Variants in RBFOX1 observed in about 807,000 individuals in gnomAD.
The protein encoded by RBFOX1 is RNA binding protein fox-1 homolog 1.
In RBFOX1, 8 loss-of-function variants were observed where a neutral mutation model predicts 57.7. The observed-to-expected ratio is 0.14, with a 90% confidence interval of 0.08 to 0.25. RBFOX1 has a LOEUF of 0.25. Among genes scored for constraint, RBFOX1 ranks in the 10% least tolerant of loss-of-function variants. The pLI is 1.00. For synonymous variants in RBFOX1, 326 were observed against 222.4 expected (o/e 1.47, Z -4.15); for missense variants, 611 against 548.5 (o/e 1.11, Z -1.14).
chr16:5,824,958 C>T (rs994167488), intron 3 of RBFOX1, among the ~76,000 whole-genome samples: 2 of 152,162 alleles, frequency 1.3e-5, no homozygotes, highest in African/African-American at 4.8e-5. Flanking sequence ...TGGATTCTTA[C>T]TGTGAGGGTC....
intron 3 of RBFOX1, among the ~76,000 whole-genome samples, chr16:6,669,069 G>C (rs1338142886): frequency 1.3e-5 from 2 of 152,182 alleles, no homozygotes; most frequent in Non-Finnish European, 1.5e-5. Flanking sequence ...TAGAAAGCAT[G>C]CCCTATCCAA....
chr16:5,678,971 T>C (rs1364592343), intron 3 of RBFOX1, among the ~76,000 whole-genome samples: 1 of 152,194 alleles, frequency 6.6e-6, no homozygotes, highest in East Asian at 1.9e-4. Context: ...TGGGGCTACA[T>C]GTATGCAGAA....
chr16:6,091,971 G>T (rs2096181679), intron 1 of RBFOX1, among the ~76,000 whole-genome samples: 1 of 152,072 alleles, frequency 6.6e-6, no homozygotes, highest in Admixed American at 6.6e-5. Flanking sequence ...ATGCATCTAT[G>T]TGTCTGTCCA....
chr16:6,669,448 G>A (rs1401556658), intron 3 of RBFOX1, among the ~76,000 whole-genome samples: 2 of 152,146 alleles, frequency 1.3e-5, no homozygotes, highest in African/African-American at 4.8e-5. Context: ...AGAATTTGCA[G>A]ATCAACCAGA....
At chr16:6,726,793 A>G (rs1009589117) in intron 3 of RBFOX1, among the ~76,000 whole-genome samples, 1 of 151,854 alleles carries the variant, frequency 6.6e-6, no homozygotes, top group African/African-American at 2.4e-5. Flanking sequence ...TATGTTCCCT[A>G]CCAGGGTACC....
chr16:6,212,268 G>A (rs552306194), intron 1 of RBFOX1, among the ~76,000 whole-genome samples: 1 of 152,094 alleles, frequency 6.6e-6, no homozygotes, highest in Non-Finnish European at 1.5e-5. Context: ...TATATACTAT[G>A]ATTACTTTTA....
intron 4 of RBFOX1, among the ~76,000 whole-genome samples, chr16:7,070,590 A>T (rs2057125999): frequency 6.6e-6 from 1 of 152,226 alleles, no homozygotes; most frequent in African/African-American, 2.4e-5. Context: ...AGCTGAGTTT[A>T]CGTTTAAGTG....
At chr16:6,331,543 C>CTA (rs1188171508) in intron 2 of RBFOX1, among the ~76,000 whole-genome samples, 113 of 150,064 alleles carry the variant, frequency 7.5e-4, no homozygotes, top group African/African-American at 2.6e-3. Flanking sequence ...CTCTCTCTCT[C>CTA]TCTATATATA....
intron 4 of RBFOX1, among the ~76,000 whole-genome samples, chr16:7,449,336 C>T (rs1398789014): frequency 1.3e-5 from 2 of 152,118 alleles, no homozygotes; most frequent in Non-Finnish European, 2.9e-5. Flanking sequence ...GGGGGACACT[C>T]TTCAACCCAC....
chr16:7,180,426 G>A (rs1226405333), intron 4 of RBFOX1, among the ~76,000 whole-genome samples: 1 of 152,132 alleles, frequency 6.6e-6, no homozygotes, highest in Non-Finnish European at 1.5e-5. Context: ...GTCATCAGAT[G>A]CCGGGCAAGG....
intron 3 of RBFOX1, among the ~76,000 whole-genome samples, chr16:6,918,598 T>C (rs183708352): frequency 6.6e-6 from 1 of 152,126 alleles, no homozygotes; most frequent in Non-Finnish European, 1.5e-5. Flanking sequence ...TAAAAATGAA[T>C]TATTTATCTT....
chr16:6,412,897 T>C (rs1402708583), intron 2 of RBFOX1, among the ~76,000 whole-genome samples: 9 of 152,212 alleles, frequency 5.9e-5, no homozygotes, highest in African/African-American at 1.9e-4. Flanking sequence ...GGATGGTTTG[T>C]GTGGCACTAT....
At chr16:6,337,195 C>T (rs2083884714) in intron 2 of RBFOX1, among the ~76,000 whole-genome samples, 1 of 152,098 alleles carries the variant, frequency 6.6e-6, no homozygotes, top group African/African-American at 2.4e-5. Flanking sequence ...CATGTTGATT[C>T]CCCTTTTCTC....
rs575100351 is a variant in RBFOX1 at position 5,819,943 on chromosome 16, G to A, written c.319-47360G>A. 1.5e-3 allele frequency among the ~76,000 whole-genome samples: 228 copies of A among 152,146 alleles called. 2 individuals are homozygous for A. In the Middle Eastern group the frequency reaches 0.027, roughly 18 times the overall value. On this transcript the variant is annotated intron_variant, in intron 3 of 19. Coordinates refer to the RBFOX1 transcript ENST00000641259. ...GTTGGCCTTTCTGCTGGCCTTTATC[G>A]TCGCATCCCACTCTGTTGAGGTACC...
chr16:5,415,073 G>C (rs943487231), intron 1 of RBFOX1, among the ~76,000 whole-genome samples: 1 of 152,144 alleles, frequency 6.6e-6, no homozygotes, highest in African/African-American at 2.4e-5. Flanking sequence ...GTGAACTGAA[G>C]ATCAGACATT....
intron 4 of RBFOX1, among the ~76,000 whole-genome samples, chr16:7,134,021 C>T (rs8060088): frequency 0.91 from 138,643 of 152,306 alleles, 63,302 homozygotes; most frequent in East Asian, 1. Context: ...AAGTGTGATA[C>T]TGTGCTTCAG....
chr16:6,576,900 C>T (rs906238212), intron 2 of RBFOX1: 1 of 152,178 alleles, frequency 6.6e-6, no homozygotes, highest in African/African-American at 2.4e-5. Context: ...AATTTATGTT[C>T]CTCATCCCCA....
intron 4 of RBFOX1, among the ~76,000 whole-genome samples, chr16:7,082,699 G>C (rs1435349388): frequency 6.6e-6 from 1 of 152,152 alleles, no homozygotes; most frequent in Non-Finnish European, 1.5e-5. Context: ...CTTTCATAAA[G>C]TTTAAAGTTG....
intron 4 of RBFOX1, among the ~76,000 whole-genome samples, chr16:5,990,552 G>T (rs771662354): frequency 6.6e-6 from 1 of 152,116 alleles, no homozygotes; most frequent in Non-Finnish European, 1.5e-5. Context: ...TGTTCTGTGG[G>T]TTATAAAAAT....
Sources: allele counts gnomAD v4.1 joint callset (sites outside exome capture counted in the v4.1 genomes callset), GRCh38; gene constraint gnomAD v4.1.1; transcripts MANE v1.5; gene names NCBI Gene and HGNC (gene_info 2026-07-23, HGNC 2026-07-21).